The following PPM1H variants were observed in gnomAD, a reference collection of about 807,000 sequenced individuals.
The protein encoded by PPM1H is protein phosphatase 1H.
PPM1H carries 27 observed loss-of-function variants against 54.9 expected under a neutral mutation model. The ratio of observed to expected loss-of-function variants is 0.49; its 90% CI spans 0.36 to 0.68. The LOEUF is 0.68. PPM1H is among the 30% of genes least tolerant of loss of function. The probability of loss-of-function intolerance (pLI) is 0.00; values close to 1 mark genes in which losing one functional copy is unlikely to be tolerated. For synonymous variants in PPM1H, 305 were observed against 270.8 expected (o/e 1.13, Z -1.24); for missense variants, 596 against 667.8 (o/e 0.89, Z 1.19).
chr12:62,864,510 T>C (rs1016732887), intron 1 of PPM1H, among the ~76,000 whole-genome samples: 1 of 152,248 alleles, frequency 6.6e-6, no homozygotes, highest in African/African-American at 2.4e-5. Context: ...GATTGCAGGA[T>C]ATTTAGCATT....
At chr12:62,754,272 A>T (rs1726938603) in intron 4 of PPM1H, among the ~76,000 whole-genome samples, 2 of 152,204 alleles carry the variant, frequency 1.3e-5, no homozygotes, top group South Asian at 2.1e-4. Flanking sequence ...GTTGGTATCC[A>T]GTCTTGATAA....
chr12:62,769,581 G>T (rs1446588538), intron 4 of PPM1H, among the ~76,000 whole-genome samples: 1 of 152,180 alleles, frequency 6.6e-6, no homozygotes, highest in Admixed American at 6.5e-5. Flanking sequence ...TGTCTTCTAT[G>T]GGCAAAGGCA....
At chr12:62,933,755 G>A (rs1872227094) in intron 1 of PPM1H, among the ~76,000 whole-genome samples, 1 of 151,982 alleles carries the variant, frequency 6.6e-6, no homozygotes, top group African/African-American at 2.4e-5. Context: ...ACTCTGGGTC[G>A]TCAACCTAAC....
chr12:62,662,460 G>A (rs750998134), intron 9 of PPM1H, among the ~76,000 whole-genome samples: 11 of 152,208 alleles, frequency 7.2e-5, no homozygotes, highest in South Asian at 2.1e-4. Flanking sequence ...CTACCTTCAC[G>A]TTTCCTGAAT....
rs1034511168 is a variant in PPM1H at position 62,909,341 on chromosome 12, T to C, written c.245+25151A>G. On this transcript the variant is annotated intron_variant, in intron 1 of 9. Transcript: ENST00000228705. The stretch of plus-strand genomic sequence containing the variant: ...GCCATCGTTCTAAAACAATTTCCCA[T>C]GTTCCTCTGCGCAAAATCTCCCACT... Among the ~76,000 whole-genome samples, 4 of 152,184 alleles carry C rather than the reference T, an allele frequency of 2.6e-5. No homozygotes were observed. The South Asian group carries it at 6.2e-4, about 24-fold the overall frequency.
chr12:62,921,567 A>C (rs192344783), intron 1 of PPM1H, among the ~76,000 whole-genome samples: 1 of 152,220 alleles, frequency 6.6e-6, no homozygotes, highest in Non-Finnish European at 1.5e-5. Context: ...TAAATGCTAC[A>C]CTGAATGCTG....
At chr12:62,847,867 G>C (rs1426246828) in intron 1 of PPM1H, among the ~76,000 whole-genome samples, 2 of 151,998 alleles carry the variant, frequency 1.3e-5, no homozygotes, top group Non-Finnish European at 2.9e-5. Flanking sequence ...TCACTCCCAT[G>C]GCCTGGGATG....
chr12:62,689,025 A>C (rs767358467), intron 8 of PPM1H, among the ~76,000 whole-genome samples: 9 of 152,184 alleles, frequency 5.9e-5, no homozygotes, highest in Non-Finnish European at 1.0e-4. Flanking sequence ...AACAACTGTG[A>C]CCGAAGGCAG....
At chr12:62,755,599 G>A in intron 4 of PPM1H, 1 of 656,050 alleles carries the variant, frequency 1.5e-6, no homozygotes, top group Middle Eastern at 3.4e-4. Flanking sequence ...TGCCCCTTCT[G>A]CTGACACCCC....
At chr12:62,878,622 C>T (rs771973) in intron 1 of PPM1H, among the ~76,000 whole-genome samples, 69,778 of 116,630 alleles carry the variant, frequency 0.6, 20,704 homozygotes, top group African/African-American at 0.7. Context: ...ACAATGATTA[C>T]GCTTAAAAAA....
At chr12:62,716,143 C>A (rs2076233534) in intron 6 of PPM1H, among the ~76,000 whole-genome samples, 1 of 152,144 alleles carries the variant, frequency 6.6e-6, no homozygotes, top group African/African-American at 2.4e-5. Flanking sequence ...CCACCTAATA[C>A]CTCTAGGCCT....
intron 1 of PPM1H, chr12:62,850,624 T>G (rs983876612): frequency 1.3e-5 from 2 of 149,222 alleles, no homozygotes; most frequent in African/African-American, 2.4e-5. Context: ...GTTGAAACTA[T>G]GTATATATGG....
rs1450363255 is a variant in PPM1H at position 62,644,523 on chromosome 12, A to C, written c.*3966T>G. 1.3e-5 allele frequency: 2 copies of C among 152,238 alleles called. No individual in the cohort carries two copies. The highest frequency in any genetic ancestry group is 2.9e-5 in the Non-Finnish European group (2 of 68,054). The allele number at this position is 152,238 out of a possible 1,614,324, so 9.4% of individuals were successfully genotyped here. On this transcript the variant is annotated 3_prime_UTR_variant, in exon 10 of 10. Coordinates refer to ENST00000228705, the MANE Select transcript of PPM1H (RefSeq NM_020700.2). ...AAACTTCACCTAAGACACAGAAGAA[A>C]AATTAAAGCTATTTACACAGATAAC...
intron 4 of PPM1H, among the ~76,000 whole-genome samples, chr12:62,741,596 C>G (rs1004118064): frequency 2.6e-5 from 4 of 152,240 alleles, no homozygotes; most frequent in Non-Finnish European, 5.9e-5. Flanking sequence ...AGAACGCCTT[C>G]TGTTGTCCTC....
chr12:62,920,330 C>T (rs566550092), intron 1 of PPM1H, among the ~76,000 whole-genome samples: 135 of 151,852 alleles, frequency 8.9e-4, no homozygotes, highest in African/African-American at 3.0e-3. Flanking sequence ...TTTAAAATTG[C>T]TTTTTTTTGT....
At chr12:62,933,654 T>G (rs1872223846) in intron 1 of PPM1H, among the ~76,000 whole-genome samples, 1 of 152,108 alleles carries the variant, frequency 6.6e-6, no homozygotes, top group African/African-American at 2.4e-5. Flanking sequence ...TATCTTACCA[T>G]TCATAAGATG....
chr12:62,724,468 G>A (rs1344571231), intron 5 of PPM1H, among the ~76,000 whole-genome samples: 1 of 152,164 alleles, frequency 6.6e-6, no homozygotes, highest in Non-Finnish European at 1.5e-5. Context: ...AAGATCTGTT[G>A]AGGCAGATGT....
chr12:62,670,673 A>G (rs1300991887), intron 8 of PPM1H, among the ~76,000 whole-genome samples: 3 of 152,156 alleles, frequency 2.0e-5, no homozygotes, highest in Non-Finnish European at 4.4e-5. Flanking sequence ...CCATCAATAA[A>G]TGTAATCTTT....
intron 9 of PPM1H, among the ~76,000 whole-genome samples, chr12:62,658,212 T>TTTTTTTTC (rs768288538): frequency 1.4e-4 from 18 of 130,594 alleles, no homozygotes; most frequent in East Asian, 2.3e-4. Flanking sequence ...TTTTTTTTTT[T>TTTTTTTTC]AAGTAAAAAA....
Sources: allele counts gnomAD v4.1 joint callset (sites outside exome capture counted in the v4.1 genomes callset), GRCh38; gene constraint gnomAD v4.1.1; transcripts MANE v1.5; gene names NCBI Gene and HGNC (gene_info 2026-07-23, HGNC 2026-07-21).